Variants in KLHL1 observed in about 807,000 individuals in gnomAD.
KLHL1 encodes the protein kelch-like protein 1.
A neutral mutation model predicts 77.7 loss-of-function variants in KLHL1; 47 were observed. The observed-to-expected ratio is 0.60, with a 90% CI of 0.48 to 0.77. The LOEUF (loss-of-function observed/expected upper bound fraction) is 0.77. KLHL1 is among the 30% of genes least tolerant of loss of function. The pLI is 0.00. For missense variants in KLHL1, 925 were observed against 910.8 expected (o/e 1.02, Z -0.20); for synonymous variants, 360 against 325.2 (o/e 1.11, Z -1.15).
chr13:69,959,888 C>T (rs1884010919), intron 3 of KLHL1, among the ~76,000 whole-genome samples: 1 of 151,944 alleles, frequency 6.6e-6, no homozygotes, highest in East Asian at 1.9e-4. Flanking sequence ...CTGACCTTGG[C>T]ACTTAAAAAT....
At position 70,108,203 on chromosome 13, in the gene KLHL1, A is replaced by G. The variant is rs1276281037; in HGVS notation, c.-504T>C. On this transcript the variant is annotated 5_prime_UTR_variant, in exon 1 of 11. Transcript: ENST00000377844. Reference sequence around the variant, plus strand: ...CAGTGTCTGGAGAGCGCAGAGAGAAAGAGCCCCAAGTCTCGAGGAAGCGTA... The same window carrying G: ...CAGTGTCTGGAGAGCGCAGAGAGAAGGAGCCCCAAGTCTCGAGGAAGCGTA... 1 of 395,686 alleles carries G rather than the reference A, an allele frequency of 2.5e-6. No homozygotes were observed. Among genetic ancestry groups the G allele is most frequent in the Non-Finnish European group, 4.4e-6 (1 of 225,048 alleles). The allele number at this position is 395,686 out of a possible 1,614,324, so 24.5% of individuals were successfully genotyped here.
intron 7 of KLHL1, among the ~76,000 whole-genome samples, chr13:69,763,552 G>T (rs890009229): frequency 3.3e-4 from 50 of 152,174 alleles, no homozygotes; most frequent in Admixed American, 3.0e-3. Flanking sequence ...TCAAATAAAT[G>T]TGTGATCACG....
At chr13:70,012,835 A>T (rs928741127) in intron 1 of KLHL1, among the ~76,000 whole-genome samples, 9 of 152,052 alleles carry the variant, frequency 5.9e-5, no homozygotes, top group African/African-American at 2.2e-4. Flanking sequence ...CCTGGGAGGC[A>T]GAGCTTGCAG....
At chr13:69,751,324 T>C (rs139584699) in intron 7 of KLHL1, among the ~76,000 whole-genome samples, 1 of 152,116 alleles carries the variant, frequency 6.6e-6, no homozygotes, top group African/African-American at 2.4e-5. Context: ...TTCTATAAGT[T>C]CATACCCTCA....
At chr13:69,936,798 T>G (rs375321270) in intron 4 of KLHL1, among the ~76,000 whole-genome samples, 1 of 152,080 alleles carries the variant, frequency 6.6e-6, no homozygotes, top group Admixed American at 6.6e-5. Flanking sequence ...CATTTCAACA[T>G]GAATTTTCTC....
At chr13:69,736,673 T>C (rs983957810) in intron 8 of KLHL1, among the ~76,000 whole-genome samples, 1 of 137,748 alleles carries the variant, frequency 7.3e-6, no homozygotes, top group Non-Finnish European at 1.6e-5. Flanking sequence ...GATAAAGAGA[T>C]TGTGAGATAT....
At position 70,096,703 on chromosome 13, in the gene KLHL1, TTC is replaced by T. The variant is rs1887798269; in HGVS notation, c.497+10498_497+10499del. Among the ~76,000 whole-genome samples the T allele has an allele frequency of 2.6e-5, 4 of 152,096 alleles. No individual in the cohort carries two copies. The East Asian group carries it at 5.8e-4, about 22-fold the overall frequency. ...GACTTTTCAAAAATATCATGTCATT[TTC>T]TCTTTTTTTCTTTTTGCTGCCAGAA... On this transcript the variant is annotated intron_variant, in intron 1 of 10. Transcript: ENST00000377844.
chr13:69,934,262 T>C (rs980457943), intron 4 of KLHL1, among the ~76,000 whole-genome samples: 1 of 152,200 alleles, frequency 6.6e-6, no homozygotes, highest in African/African-American at 2.4e-5. Flanking sequence ...CCAAGCACGA[T>C]GGCAGAAGGT....
chr13:69,985,848 A>G (rs1192068467), intron 1 of KLHL1, among the ~76,000 whole-genome samples: 1 of 85,392 alleles, frequency 1.2e-5, no homozygotes, highest in Non-Finnish European at 2.0e-5. Context: ...GTGTGTATAG[A>G]TATATATATA....
chr13:69,931,167 C>T (rs1882993597), intron 4 of KLHL1, among the ~76,000 whole-genome samples: 1 of 151,610 alleles, frequency 6.6e-6, no homozygotes, highest in African/African-American at 2.4e-5. Context: ...GAAACCTCTT[C>T]ATGTAATTTT....
intron 8 of KLHL1, among the ~76,000 whole-genome samples, chr13:69,733,490 T>G (rs1326073943): frequency 1.3e-5 from 2 of 152,110 alleles, no homozygotes; most frequent in Non-Finnish European, 2.9e-5. Flanking sequence ...ATTTTCAGAA[T>G]ACATGAAGAA....
intron 1 of KLHL1, among the ~76,000 whole-genome samples, chr13:70,021,361 A>C (rs2137352312): frequency 6.6e-6 from 1 of 152,220 alleles, no homozygotes; most frequent in South Asian, 2.1e-4. Context: ...TATAACACTG[A>C]ATAATATCCT....
At chr13:69,932,163 C>G (rs1869814687) in intron 4 of KLHL1, among the ~76,000 whole-genome samples, 2 of 151,688 alleles carry the variant, frequency 1.3e-5, no homozygotes. Context: ...TGGCTGTGAA[C>G]TGGACAGCTG....
At chr13:70,019,447 G>C (rs1885736533) in intron 1 of KLHL1, among the ~76,000 whole-genome samples, 1 of 149,440 alleles carries the variant, frequency 6.7e-6, no homozygotes, top group Admixed American at 6.7e-5. Flanking sequence ...TCTCAGTGAA[G>C]AGGCAGGTAC....
chr13:69,822,023 C>A (rs1878357362), intron 6 of KLHL1, among the ~76,000 whole-genome samples: 1 of 151,892 alleles, frequency 6.6e-6, no homozygotes, highest in Non-Finnish European at 1.5e-5. Flanking sequence ...CATGGTGAAA[C>A]CCCATCTCTA....
chr13:69,829,194 C>A (rs1401816275), intron 6 of KLHL1, among the ~76,000 whole-genome samples: 1 of 150,210 alleles, frequency 6.7e-6, no homozygotes, highest in Non-Finnish European at 1.5e-5. Context: ...GACCCTCACA[C>A]AATTCACTTC....
chr13:69,846,322 CGT>C (rs1879458206), intron 5 of KLHL1, among the ~76,000 whole-genome samples: 1 of 151,536 alleles, frequency 6.6e-6, no homozygotes, highest in Admixed American at 6.6e-5. Context: ...ATAACTGATG[CGT>C]TATAGGGTAA....
rs1460201695 is a variant in KLHL1 at position 70,075,606 on chromosome 13, T to C, written c.497+31597A>G. ...ATATATATACACACACACACATATA[T>C]ATAGGACTTACATATATATATGTAT... On this transcript the variant is annotated intron_variant, in intron 1 of 10. Coordinates refer to ENST00000377844, the MANE Select transcript of KLHL1 (RefSeq NM_020866.3). Among the ~76,000 whole-genome samples the C allele has an allele frequency of 6.3e-3, 565 of 90,380 alleles. 2 individuals are homozygous for C. The highest frequency in any genetic ancestry group is 0.02 in the African/African-American group (518 of 25,292). The allele number at this position is 90,380 out of a possible 152,430, so 59.3% of individuals were successfully genotyped here. A position where few individuals can be genotyped will look rare whatever the true frequency, so the allele number is the denominator to read the frequency against.
At chr13:70,106,220 G>T (rs1251984230) in intron 1 of KLHL1, among the ~76,000 whole-genome samples, 1 of 151,802 alleles carries the variant, frequency 6.6e-6, no homozygotes, top group Non-Finnish European at 1.5e-5. Context: ...TTACTGTGTA[G>T]TAATTAAAAT....
Sources: gnomAD v4.1 joint callset for allele counts (sites outside exome capture counted in the v4.1 genomes callset) on GRCh38, gnomAD v4.1.1 for gene constraint, MANE v1.5 for transcripts, NCBI Gene and HGNC (gene_info 2026-07-23, HGNC 2026-07-21) for gene names.